The following GALNTL6 variants were observed in gnomAD, a reference collection of about 807,000 sequenced individuals.
The protein encoded by GALNTL6 is polypeptide N-acetylgalactosaminyltransferase like 6.
A neutral mutation model predicts 73.7 loss-of-function variants in GALNTL6; 46 were observed. The ratio of observed to expected loss-of-function variants is 0.62; its 90% CI spans 0.49 to 0.80. The LOEUF is 0.80. Ranked by LOEUF, GALNTL6 falls within the 30% of genes least tolerant of loss-of-function variation. GALNTL6 has a pLI of 0.00. For missense variants in GALNTL6, 604 were observed against 755.0 expected (o/e 0.80, Z 2.34); for synonymous variants, 259 against 263.7 (o/e 0.98, Z 0.17).
intron 9 of GALNTL6, among the ~76,000 whole-genome samples, chr4:172,939,295 C>T (rs188415462): frequency 2.0e-5 from 3 of 152,104 alleles, no homozygotes; most frequent in Admixed American, 2.0e-4. Context: ...GACCCTGTAT[C>T]AAAAATAAAA....
chr4:172,431,697 T>C (rs1731457440), intron 5 of GALNTL6, among the ~76,000 whole-genome samples: 1 of 152,130 alleles, frequency 6.6e-6, no homozygotes, highest in Non-Finnish European at 1.5e-5. Flanking sequence ...CATAACATAA[T>C]TTAAAATTTG....
chr4:172,160,889 T>C (rs926258202), intron 2 of GALNTL6, among the ~76,000 whole-genome samples: 14 of 117,846 alleles, frequency 1.2e-4, no homozygotes, highest in Admixed American at 4.4e-4. Flanking sequence ...TATATATATA[T>C]AGACACACAC....
chr4:172,503,011 A>G (rs942804350), intron 5 of GALNTL6, among the ~76,000 whole-genome samples: 9 of 152,204 alleles, frequency 5.9e-5, no homozygotes, highest in African/African-American at 1.9e-4. Context: ...CAAAATTGCC[A>G]CCTACATAAA....
intron 5 of GALNTL6, among the ~76,000 whole-genome samples, chr4:172,425,974 A>T (rs1731214277): frequency 6.6e-6 from 1 of 152,062 alleles, no homozygotes; most frequent in South Asian, 2.1e-4. Context: ...CCTTGCTCTG[A>T]TTGTCTTTTA....
intron 5 of GALNTL6, among the ~76,000 whole-genome samples, chr4:172,454,733 C>T (rs1732329032): frequency 1.3e-5 from 2 of 152,212 alleles, no homozygotes; most frequent in African/African-American, 4.8e-5. Context: ...TGTACATCAA[C>T]CTGGATGCTC....
intron 2 of GALNTL6, among the ~76,000 whole-genome samples, chr4:171,900,068 T>C (rs569296002): frequency 2.6e-5 from 4 of 152,278 alleles, no homozygotes; most frequent in East Asian, 3.9e-4. Context: ...TTATGGAGTA[T>C]AGTGTCACCA....
In GALNTL6 at chr4:172,811,906, T is replaced by C. The variant is rs576804570; in HGVS notation, c.740-1634T>C. ...TTCCTGAAGACAGAAATTTTTGTGATGTTATTCATCATGGTATCCCCAGAA... is the reference window on the plus strand; with the variant it reads ...TTCCTGAAGACAGAAATTTTTGTGACGTTATTCATCATGGTATCCCCAGAA... On this transcript the variant is annotated intron_variant, in intron 6 of 12. Transcript: ENST00000506823. Among the ~76,000 whole-genome samples the C allele has an allele frequency of 5.2e-4, 79 of 152,370 alleles. 1 individual carries two copies. The South Asian group carries it at 5.6e-3, about 11-fold the overall frequency.
At chr4:172,536,102 T>A (rs1425754749) in intron 5 of GALNTL6, among the ~76,000 whole-genome samples, 1 of 152,170 alleles carries the variant, frequency 6.6e-6, no homozygotes, top group Non-Finnish European at 1.5e-5. Flanking sequence ...TCTCTTGCCT[T>A]TTGCAATGTA....
At chr4:172,232,040 T>G (rs374350446) in intron 3 of GALNTL6, among the ~76,000 whole-genome samples, 3 of 152,060 alleles carry the variant, frequency 2.0e-5, no homozygotes, top group Admixed American at 6.5e-5. Flanking sequence ...TATGATAAAT[T>G]TATATACTAG....
At position 172,641,730 on chromosome 4, in the gene GALNTL6, T is replaced by C. The variant is rs1041750236; in HGVS notation, c.554-167631T>C. On this transcript the variant is annotated intron_variant, in intron 5 of 12. Coordinates refer to ENST00000506823, the MANE Select transcript of GALNTL6 (RefSeq NM_001034845.3). ...TATGTAACATATTATCAAATTTACT[T>C]ATTCATTATATTTATTTTTATTGTT... Among the ~76,000 whole-genome samples, 15 of 152,248 alleles carry C rather than the reference T, an allele frequency of 9.9e-5. 1 individual carries two copies. Among genetic ancestry groups the C allele is most frequent in the African/African-American group, 3.4e-4 (14 of 41,566 alleles).
chr4:172,672,561 A>G (rs1732048502), intron 5 of GALNTL6, among the ~76,000 whole-genome samples: 1 of 152,096 alleles, frequency 6.6e-6, no homozygotes, highest in Non-Finnish European at 1.5e-5. Context: ...CTCCTCCTCA[A>G]TTTTTTGGAA....
intron 2 of GALNTL6, among the ~76,000 whole-genome samples, chr4:172,126,384 C>G (rs1733294118): frequency 6.6e-6 from 1 of 152,126 alleles, no homozygotes; most frequent in Non-Finnish European, 1.5e-5. Flanking sequence ...CCGGTACTTG[C>G]CTCCTCCACA....
At chr4:171,873,004 A>G (rs915461144) in intron 2 of GALNTL6, among the ~76,000 whole-genome samples, 1 of 152,180 alleles carries the variant, frequency 6.6e-6, no homozygotes, top group Non-Finnish European at 1.5e-5. Flanking sequence ...AAATTTACAC[A>G]TAAATCGTGA....
intron 7 of GALNTL6, among the ~76,000 whole-genome samples, chr4:172,825,056 CTTTT>C (rs36147306): frequency 2.1e-4 from 25 of 118,326 alleles, no homozygotes; most frequent in South Asian, 3.0e-4. Flanking sequence ...ATTCTTTTTT[CTTTT>C]TTTTTTTTTT....
rs367784387 is a variant in GALNTL6, at chr4:172,157,039, A to G, written c.139-72617A>G. Among the ~76,000 whole-genome samples the G allele has an allele frequency of 5.7e-4, 87 of 152,254 alleles. 2 individuals are homozygous for G. In the South Asian group the frequency reaches 0.017, roughly 31 times the overall value. On this transcript the variant is annotated intron_variant, in intron 2 of 12. Transcript: ENST00000506823. ...TTCAAAACACTTTTAATTACTAGGA[A>G]CAATATTTATAAGATGGGTTTGATT...
chr4:173,015,157 C>T (rs571995184), intron 11 of GALNTL6, among the ~76,000 whole-genome samples: 1 of 152,314 alleles, frequency 6.6e-6, no homozygotes, highest in South Asian at 2.1e-4. Context: ...CCCAGCCATG[C>T]TGAAATGTGA....
At chr4:171,968,432 T>C (rs1331203519) in intron 2 of GALNTL6, among the ~76,000 whole-genome samples, 1 of 152,178 alleles carries the variant, frequency 6.6e-6, no homozygotes, top group East Asian at 1.9e-4. Context: ...CACCGTAATC[T>C]CTTCCTCCAT....
At chr4:172,437,645 T>G (rs371773380) in intron 5 of GALNTL6, among the ~76,000 whole-genome samples, 1 of 152,266 alleles carries the variant, frequency 6.6e-6, no homozygotes, top group East Asian at 1.9e-4. Flanking sequence ...TCTTTTTTAG[T>G]AACCATATTA....
intron 11 of GALNTL6, among the ~76,000 whole-genome samples, chr4:173,012,619 T>C (rs1273440888): frequency 6.6e-6 from 1 of 152,216 alleles, no homozygotes; most frequent in Non-Finnish European, 1.5e-5. Flanking sequence ...TTCTTCCATC[T>C]TGGACAGGGT....
Sources: gnomAD v4.1 joint callset for allele counts (sites outside exome capture counted in the v4.1 genomes callset) on GRCh38, gnomAD v4.1.1 for gene constraint, MANE v1.5 for transcripts, NCBI Gene and HGNC (gene_info 2026-07-23, HGNC 2026-07-21) for gene names.